VPS13A: variants seen among roughly 807,000 people sequenced by gnomAD.
VPS13A encodes the protein intermembrane lipid transfer protein VPS13A.
VPS13A carries 264 observed loss-of-function variants against 390.9 expected under a neutral mutation model. The observed-to-expected ratio is 0.68, with a 90% CI of 0.61 to 0.75. The LOEUF is 0.75. Ranked by LOEUF, VPS13A falls within the 30% of genes least tolerant of loss-of-function variation. The probability of loss-of-function intolerance (pLI) is 0.00; values close to 1 mark genes in which losing one functional copy is unlikely to be tolerated. For synonymous variants in VPS13A, 1,231 were observed against 1,227.1 expected, an observed-to-expected ratio of 1.00 and a Z score of -0.07; for missense variants, 3,409 against 3,733.9, an observed-to-expected ratio of 0.91 and a Z score of 2.27.
At chr9:77,257,026 A>C (rs1483965443) in intron 22 of VPS13A, among the ~76,000 whole-genome samples, 2 of 151,974 alleles carry the variant, frequency 1.3e-5, no homozygotes, top group African/African-American at 4.8e-5. Flanking sequence ...TACTTTTGTC[A>C]TATTGTTATT....
chr9:77,213,602 T>TCATC (rs1432672919), intron 9 of VPS13A, among the ~76,000 whole-genome samples: 1 of 151,490 alleles, frequency 6.6e-6, no homozygotes, highest in Non-Finnish European at 1.5e-5. Context: ...GCTCAAGCAA[T>TCATC]CATCCTTCCT....
rs753488359 is a variant in VPS13A at position 77,351,458 on chromosome 9, G to C, written c.7419+12G>C. ...TAACACAGAAGGATGTAAGTATTGG[G>C]TTATTATGGTGTTCCCAGCAGCCTT... On this transcript the variant is annotated intron_variant, in intron 53 of 71. Transcript: ENST00000360280. 7 of 1,612,038 alleles carry C rather than the reference G, an allele frequency of 4.3e-6. No homozygotes were observed. Among genetic ancestry groups the C allele is most frequent in the South Asian group, 1.1e-5 (1 of 91,060 alleles).
chr9:77,304,500 T>C (rs1339759422), intron 34 of VPS13A, among the ~76,000 whole-genome samples: 1 of 152,212 alleles, frequency 6.6e-6, no homozygotes, highest in African/African-American at 2.4e-5. Context: ...ATTAGATATA[T>C]TAATATAGAA....
At chr9:77,312,347 A>G (rs1305402455) in intron 35 of VPS13A, among the ~76,000 whole-genome samples, 1 of 152,198 alleles carries the variant, frequency 6.6e-6, no homozygotes, top group Non-Finnish European at 1.5e-5. Context: ...AAGCAAAATA[A>G]TGACCAAAAG....
In VPS13A at chr9:77,344,253, A is replaced by G. The variant is rs750460516; in HGVS notation, c.7127A>G (p.Asn2376Ser). 33 of 1,613,292 alleles carry G rather than the reference A, an allele frequency of 2.0e-5. No homozygotes were observed. Among genetic ancestry groups the G allele is most frequent in the African/African-American group, 1.3e-5 (1 of 74,878 alleles). ...AGGATATATTTTAACAAGCAGGAAA[A>G]TTGTATTCTATTGCGTCTAGATAAC... ...PKRIYFNKQENCILLRLDNEL... is the reference protein window; with the variant it reads ...PKRIYFNKQESCILLRLDNEL... Residue 2376 changes from asparagine to serine, a missense_variant, in exon 51 of 72, where the codon AAT becomes AGT. By Grantham distance (46) the Asn-to-Ser change is conservative. Around this residue, in one of 5 missense-constraint regions of VPS13A, gnomAD observed 2,717 missense variants for 2,917.4 expected, o/e 0.93. Transcript: ENST00000360280.
intron 43 of VPS13A, 73 bp downstream of exon 43, chr9:77,321,400 T>G: frequency 6.3e-7 from 1 of 1,582,702 alleles, no homozygotes; most frequent in Non-Finnish European, 8.7e-7. Flanking sequence ...ATAAGAAGTT[T>G]AATAACTTAG....
intron 23 of VPS13A, among the ~76,000 whole-genome samples, chr9:77,260,995 T>C (rs1825730009): frequency 6.6e-6 from 1 of 151,346 alleles, no homozygotes; most frequent in Non-Finnish European, 1.5e-5. Context: ...GTCTCTTGGG[T>C]TCAAGCAGTT....
chr9:77,279,464 A>G (rs777639968), intron 26 of VPS13A, among the ~76,000 whole-genome samples: 11 of 151,954 alleles, frequency 7.2e-5, no homozygotes, highest in Non-Finnish European at 1.3e-4. Flanking sequence ...AGCTGCTTGT[A>G]TCTGTGCCCA....
chr9:77,408,049 C>G (rs1834711544), intron 71 of VPS13A, among the ~76,000 whole-genome samples: 2 of 152,128 alleles, frequency 1.3e-5, no homozygotes, highest in South Asian at 4.1e-4. Flanking sequence ...AACAGAAAAT[C>G]CAAGTTTGAA....
At chr9:77,267,238 G>C (rs1425019555) in intron 23 of VPS13A, among the ~76,000 whole-genome samples, 1 of 152,130 alleles carries the variant, frequency 6.6e-6, no homozygotes, top group African/African-American at 2.4e-5. Flanking sequence ...TGGAGGAGAA[G>C]AGGCATTCTG....
At position 77,276,073 on chromosome 9, in the gene VPS13A, C is replaced by T. The variant is rs151122313; in HGVS notation, c.2676C>T (p.Ile892=). Residue 892 remains isoleucine, a synonymous_variant, in exon 26 of 72, where the codon ATC becomes ATT. Coordinates refer to ENST00000360280, the MANE Select transcript of VPS13A (RefSeq NM_033305.3). ...KIRFEVPKVL[I]EFYHLVGDCE... is the part of the protein sequence containing the mutation. Reference sequence around the variant, plus strand: ...TTTTCTTTCTTCTCCAGGTTTTGATCGAGTTTTATCACCTTGTTGGAGATT... The same window carrying T: ...TTTTCTTTCTTCTCCAGGTTTTGATTGAGTTTTATCACCTTGTTGGAGATT... 86 of 1,611,666 alleles carry T rather than the reference C, an allele frequency of 5.3e-5. No homozygotes were observed. Among genetic ancestry groups the T allele is most frequent in the Non-Finnish European group, 6.2e-5 (73 of 1,179,596 alleles).
chr9:77,210,745 G>A, intron 7 of VPS13A, 70 bp downstream of exon 7: 1 of 1,469,392 alleles, frequency 6.8e-7, no homozygotes, highest in Non-Finnish European at 9.5e-7. Flanking sequence ...GCTACTATTT[G>A]TATATGCCAG....
rs1829370630 is a variant in VPS13A at position 77,316,157 on chromosome 9, ATTTTTATTTG to A, written c.4631-12_4631-3del. On this transcript the variant is annotated splice_polypyrimidine_tract_variant and splice_region_variant and intron_variant, in intron 38 of 71. Coordinates refer to ENST00000360280, the MANE Select transcript of VPS13A (RefSeq NM_033305.3). ...TAATATATAGCAAATATTTTAATCT[ATTTTTATTTG>A]TTTTAGTACCTACACAGGAATCAGT... The A allele has an allele frequency of 1.4e-6, 2 of 1,475,800 alleles. No individual in the cohort carries two copies. The highest frequency in any genetic ancestry group is 1.9e-6 in the Non-Finnish European group (2 of 1,069,058). The allele number at this position is 1,475,800 out of a possible 1,614,324, so 91.4% of individuals were successfully genotyped here.
Position 77,420,221 on chromosome 9 carries a change from T to C in VPS13A, c.*4215T>C, listed in dbSNP as rs888679879. On this transcript the variant is annotated 3_prime_UTR_variant, in exon 72 of 72. Coordinates refer to ENST00000360280, the MANE Select transcript of VPS13A (RefSeq NM_033305.3). ...CTGTACTGTCAATTTTTGGCCACTC[T>C]GGCTGTTACAGCAAACTTTTCTCCC... The C allele has an allele frequency of 2.2e-4, 33 of 152,248 alleles. No individual in the cohort carries two copies. The highest frequency in any genetic ancestry group is 6.5e-4 in the Admixed American group (10 of 15,284). 9.4% of individuals were successfully genotyped at this position (152,248 alleles called of 1,614,324 possible).
chr9:77,207,623 T>G (rs1357201802), intron 5 of VPS13A, among the ~76,000 whole-genome samples: 1 of 152,098 alleles, frequency 6.6e-6, no homozygotes, highest in Non-Finnish European at 1.5e-5. Flanking sequence ...GTACAAAATT[T>G]GGATCCTATT....
intron 20 of VPS13A, 80 bp downstream of exon 20, chr9:77,247,475 G>A: frequency 7.2e-7 from 1 of 1,392,128 alleles, no homozygotes; most frequent in Admixed American, 2.3e-5. Flanking sequence ...TTTTTAAACA[G>A]TTTGATTTAT....
chr9:77,359,478 A>G, intron 58 of VPS13A, 76 bp downstream of exon 58: 7 of 1,262,194 alleles, frequency 5.5e-6, no homozygotes, highest in Non-Finnish European at 7.9e-6. Context: ...TACTCTTTAA[A>G]TGTTGGACAA....
chr9:77,351,420 A>C lies in VPS13A; in HGVS notation c.7393A>C (p.Ser2465Arg). ...AAGGCTGAAGTGGAGATGTAGAAAA[A>C]GCCATGGTGAAGTAACACAGAAGGA... is the stretch of plus-strand genomic sequence containing the variant. Reference protein sequence around the residue: ...SRRLKWRCRKSHGEVTQKDDM... With the variant: ...SRRLKWRCRKRHGEVTQKDDM... Residue 2465 changes from serine (S) to arginine (R), a missense_variant, in exon 53 of 72, where the codon AGC becomes CGC. Around this residue, in one of 5 missense-constraint regions of VPS13A, gnomAD observed 2,717 missense variants for 2,917.4 expected, o/e 0.93. Transcript: ENST00000360280. 1 of 1,613,694 alleles carries C rather than the reference A, an allele frequency of 6.2e-7. No individual in the cohort carries two copies. Among genetic ancestry groups the C allele is most frequent in the African/African-American group, 1.3e-5 (1 of 75,028 alleles).
At chr9:77,240,907 T>G (rs148847876) in intron 19 of VPS13A, among the ~76,000 whole-genome samples, 2 of 152,330 alleles carry the variant, frequency 1.3e-5, no homozygotes, top group East Asian at 3.9e-4. Context: ...TCAGTGTGTC[T>G]GCTGTTTTTT....
Sources: allele counts gnomAD v4.1 joint callset (sites outside exome capture counted in the v4.1 genomes callset), GRCh38; gene constraint gnomAD v4.1.1; regional missense constraint gnomAD v4.1.1; transcripts MANE v1.5; gene names NCBI Gene and HGNC (gene_info 2026-07-23, HGNC 2026-07-21).